The following FAM78B variants were observed in gnomAD, a reference collection of about 807,000 sequenced individuals.
The protein encoded by FAM78B is protein FAM78B.
FAM78B carries 10 observed loss-of-function variants against 20.0 expected under a neutral mutation model. That is an observed-to-expected ratio of 0.50 (90% CI 0.31 to 0.85). The LOEUF (loss-of-function observed/expected upper bound fraction) is 0.85. Among genes scored for constraint, FAM78B ranks in the 40% least tolerant of loss-of-function variants. FAM78B has a pLI of 0.05. For synonymous variants in FAM78B, 135 were observed against 132.8 expected, an observed-to-expected ratio of 1.02 and a Z score of -0.12; for missense variants, 283 against 345.0, an observed-to-expected ratio of 0.82 and a Z score of 1.42.
intron 1 of FAM78B, among the ~76,000 whole-genome samples, chr1:166,161,894 G>GAC (rs911950049): frequency 6.6e-6 from 1 of 152,168 alleles, no homozygotes; most frequent in Non-Finnish European, 1.5e-5. Flanking sequence ...ATTGTGCGAA[G>GAC]ACACACACAC....
At chr1:166,109,866 G>GTGTATATATATA (rs1265702590) in intron 1 of FAM78B, among the ~76,000 whole-genome samples, 1,964 of 16,562 alleles carry the variant, frequency 0.12, 405 homozygotes, top group Non-Finnish European at 0.16. Context: ...ATATATGTAT[G>GTGTATATATATA]TGTATATATA....
At chr1:166,064,614 G>A (rs1651732695), downstream of FAM78B, among the ~76,000 whole-genome samples, 1 of 152,266 alleles carries the variant, frequency 6.6e-6, no homozygotes, top group South Asian at 2.1e-4. Context: ...GTGGCTGGGG[G>A]AAATGGGACC....
At chr1:166,075,747 TTCTTC>T (rs1271908479) in intron 1 of FAM78B, among the ~76,000 whole-genome samples, 1 of 152,246 alleles carries the variant, frequency 6.6e-6, no homozygotes, top group Non-Finnish European at 1.5e-5. Flanking sequence ...GGCTTTGGTC[TTCTTC>T]TCTTTTCTAT....
chr1:166,113,158 C>T (rs963775154), intron 1 of FAM78B, among the ~76,000 whole-genome samples: 10 of 152,196 alleles, frequency 6.6e-5, no homozygotes, highest in Non-Finnish European at 1.0e-4. Flanking sequence ...GTGAGCAAAC[C>T]GACTCTCAAC....
chr1:166,163,953 T>A (rs867009844), intron 1 of FAM78B, among the ~76,000 whole-genome samples: 82 of 152,316 alleles, frequency 5.4e-4, no homozygotes, highest in African/African-American at 1.9e-3. Flanking sequence ...AAGGATTCAG[T>A]GGGGAAGGGT....
chr1:166,087,239 A>T (rs1047077003), intron 1 of FAM78B: 1 of 152,032 alleles, frequency 6.6e-6, no homozygotes, highest in South Asian at 2.1e-4. Flanking sequence ...TAATTTTTGT[A>T]TTTTTGATAG....
chr1:166,165,265 A>G (rs1656319518), intron 1 of FAM78B, among the ~76,000 whole-genome samples: 1 of 152,226 alleles, frequency 6.6e-6, no homozygotes, highest in Non-Finnish European at 1.5e-5. Context: ...CCTTTAGCAT[A>G]AGAAACACCC....
Position 166,093,232 on chromosome 1 carries a change from A to G in FAM78B, c.264-22469T>C, listed in dbSNP as rs137961776. 1.8e-3 allele frequency among the ~76,000 whole-genome samples: 268 copies of G among 152,316 alleles called. No homozygotes were observed. In the South Asian group the frequency reaches 0.021, roughly 12 times the overall value. On this transcript the variant is annotated intron_variant, in intron 1 of 1. Transcript: ENST00000354422. ...AAGTGGGGCATGCAGTTTGTGAGAA[A>G]TGGTCCAGAACAGATATTCGGCAGA...
At chr1:166,081,758 C>T (rs546280817) in intron 1 of FAM78B, among the ~76,000 whole-genome samples, 7 of 152,162 alleles carry the variant, frequency 4.6e-5, no homozygotes, top group Non-Finnish European at 1.0e-4. Flanking sequence ...GCAGAGGAAA[C>T]TGGGGCTGGA....
At chr1:166,137,740 G>C (rs143844895) in intron 1 of FAM78B, among the ~76,000 whole-genome samples, 5 of 152,312 alleles carry the variant, frequency 3.3e-5, no homozygotes, top group Middle Eastern at 3.4e-3. Flanking sequence ...TTAGTAAATA[G>C]ATGTGGAAAC....
At chr1:166,117,341 G>A (rs184085092) in intron 1 of FAM78B, among the ~76,000 whole-genome samples, 2 of 152,220 alleles carry the variant, frequency 1.3e-5, no homozygotes, top group East Asian at 3.9e-4. Flanking sequence ...CTTCCAAATA[G>A]CACACTTTTT....
intron 1 of FAM78B, among the ~76,000 whole-genome samples, chr1:166,106,464 A>G (rs999676916): frequency 6.6e-6 from 1 of 152,082 alleles, no homozygotes; most frequent in Non-Finnish European, 1.5e-5. Flanking sequence ...AAGAAAATAT[A>G]GTACACATAC....
chr1:166,105,275 C>T (rs955493557), intron 1 of FAM78B, among the ~76,000 whole-genome samples: 1 of 152,198 alleles, frequency 6.6e-6, no homozygotes, highest in Non-Finnish European at 1.5e-5. Context: ...TAGGCAATAC[C>T]AGTCAGCACA....
In FAM78B at chr1:166,076,166, C is replaced by T. The variant is rs540204169; in HGVS notation, c.264-5403G>A. 5.5e-4 allele frequency among the ~76,000 whole-genome samples: 84 copies of T among 152,320 alleles called. 1 individual carries two copies. The South Asian group carries it at 0.01, about 18-fold the overall frequency. On this transcript the variant is annotated intron_variant, in intron 1 of 1. Coordinates refer to ENST00000354422, the MANE Select transcript of FAM78B (RefSeq NM_001017961.5). Reference sequence around the variant, plus strand: ...TGATCTTGTTAAATATTTGTAAAATCGTGTCACTTTCTTGCTCAAAGTGTT... The same window carrying T: ...TGATCTTGTTAAATATTTGTAAAATTGTGTCACTTTCTTGCTCAAAGTGTT...
chr1:166,136,678 C>T (rs6672329), intron 1 of FAM78B, among the ~76,000 whole-genome samples: 139,202 of 152,250 alleles, frequency 0.91, 64,334 homozygotes, highest in Non-Finnish European at 0.99. Context: ...TCCTGGAAGG[C>T]AACGTTATGA....
chr1:166,078,212 A>C (rs901427727), intron 1 of FAM78B, among the ~76,000 whole-genome samples: 1 of 151,696 alleles, frequency 6.6e-6, no homozygotes, highest in Admixed American at 6.6e-5. Context: ...TTGTATTTTT[A>C]GTAGAGACAG....
At chr1:166,104,275 T>C (rs1425847168) in intron 1 of FAM78B, among the ~76,000 whole-genome samples, 1 of 152,158 alleles carries the variant, frequency 6.6e-6, no homozygotes, top group African/African-American at 2.4e-5. Flanking sequence ...CTAGAAGCAT[T>C]CCCTTTGAAA....
intron 1 of FAM78B, among the ~76,000 whole-genome samples, chr1:166,090,809 C>T (rs1557896221): frequency 6.6e-6 from 1 of 152,138 alleles, no homozygotes; most frequent in Non-Finnish European, 1.5e-5. Context: ...GCCATCTGGC[C>T]ATCTGGGAAG....
intron 1 of FAM78B, among the ~76,000 whole-genome samples, chr1:166,100,308 C>G (rs1388537762): frequency 6.6e-6 from 1 of 152,166 alleles, no homozygotes; most frequent in Non-Finnish European, 1.5e-5. Context: ...AACTGAGGTA[C>G]CGGGTTCATC....
Sources: gnomAD v4.1 joint callset for allele counts (sites outside exome capture counted in the v4.1 genomes callset) on GRCh38, gnomAD v4.1.1 for gene constraint, MANE v1.5 for transcripts, NCBI Gene and HGNC (gene_info 2026-07-23, HGNC 2026-07-21) for gene names.